Variants in GLI3 observed in about 807,000 individuals in gnomAD.
GLI3 encodes GLI family zinc finger 3.
Under a neutral mutation model 100.8 loss-of-function variants are expected in GLI3, and 20 were observed. The observed-to-expected ratio is 0.20, with a 90% CI of 0.14 to 0.29. The LOEUF (loss-of-function observed/expected upper bound fraction) is 0.29. Among genes scored for constraint, GLI3 ranks in the 10% least tolerant of loss-of-function variants. The probability of loss-of-function intolerance (pLI) is 1.00; values close to 1 mark genes in which losing one functional copy is unlikely to be tolerated. For synonymous variants in GLI3, 938 were observed against 860.5 expected (o/e 1.09, Z -1.58); for missense variants, 2,040 against 2,128.5 (o/e 0.96, Z 0.82).
At chr7:42,261,051 T>C (rs778885213) in intron 1 of GLI3, among the ~76,000 whole-genome samples, 4 of 152,172 alleles carry the variant, frequency 2.6e-5, no homozygotes, top group Non-Finnish European at 2.9e-5. Context: ...AGAAGTTTAA[T>C]TGGCCTACAG....
At chr7:42,019,473 T>C (rs1044179276) in intron 10 of GLI3, among the ~76,000 whole-genome samples, 1 of 152,178 alleles carries the variant, frequency 6.6e-6, no homozygotes, top group Non-Finnish European at 1.5e-5. Flanking sequence ...CCTTCCTCCT[T>C]GGAAGAAGTT....
intron 3 of GLI3, among the ~76,000 whole-genome samples, chr7:42,136,762 T>G (rs1318266446): frequency 2.0e-5 from 3 of 152,210 alleles, no homozygotes; most frequent in Non-Finnish European, 4.4e-5. Flanking sequence ...GACACCGAAG[T>G]GGCATTTGGC....
chr7:42,096,252 G>A (rs1785335941), intron 3 of GLI3, among the ~76,000 whole-genome samples: 1 of 152,204 alleles, frequency 6.6e-6, no homozygotes, highest in Non-Finnish European at 1.5e-5. Context: ...CGAAGTGGAG[G>A]AAGAATGAAG....
At chr7:42,078,855 A>G (rs891245601) in intron 3 of GLI3, among the ~76,000 whole-genome samples, 2 of 149,400 alleles carry the variant, frequency 1.3e-5, no homozygotes, top group African/African-American at 5.0e-5. Flanking sequence ...TCAGCCTCCC[A>G]AGTAGCTGGG....
intron 10 of GLI3, among the ~76,000 whole-genome samples, chr7:42,005,832 G>A (rs1185365149): frequency 1.3e-5 from 2 of 152,204 alleles, no homozygotes; most frequent in Non-Finnish European, 2.9e-5. Context: ...TCCCCTTGGA[G>A]TCCTCTGGAG....
At chr7:42,076,414 A>T (rs1006384478) in intron 4 of GLI3, among the ~76,000 whole-genome samples, 1 of 152,216 alleles carries the variant, frequency 6.6e-6, no homozygotes, top group Non-Finnish European at 1.5e-5. Context: ...AACATAACAA[A>T]CTTCAAACCT....
intron 2 of GLI3, among the ~76,000 whole-genome samples, chr7:42,164,406 A>G (rs1270607472): frequency 6.6e-6 from 1 of 151,950 alleles, no homozygotes; most frequent in Non-Finnish European, 1.5e-5. Context: ...TGTAGTCCCA[A>G]CTTCTTGGGA....
chr7:42,033,768 G>T (rs914263852), intron 7 of GLI3, among the ~76,000 whole-genome samples: 3 of 151,904 alleles, frequency 2.0e-5, no homozygotes, highest in Non-Finnish European at 4.4e-5. Context: ...ATCATTACTT[G>T]TATATGTGTA....
At chr7:42,182,658 A>ATATTTACATGTGTG (rs1787621750) in intron 2 of GLI3, among the ~76,000 whole-genome samples, 1 of 56,052 alleles carries the variant, frequency 1.8e-5, no homozygotes, top group Admixed American at 1.8e-4. Flanking sequence ...ATATATATAT[A>ATATTTACATGTGTG]TATATATATA....
At chr7:41,967,451 A>C (rs1011867077) in intron 14 of GLI3, 145 bp downstream of exon 14, 16 of 702,656 alleles carry the variant, frequency 2.3e-5, no homozygotes, top group Non-Finnish European at 3.3e-5. Context: ...CCAAAAGGCA[A>C]CTTGAATGGG....
chr7:42,187,037 C>T (rs914087285), intron 2 of GLI3, among the ~76,000 whole-genome samples: 1 of 111,736 alleles, frequency 8.9e-6, no homozygotes, highest in Admixed American at 8.4e-5. Context: ...TAGTGAGAAC[C>T]TGTCTCAAAA....
At chr7:42,038,210 A>T (rs982110328) in intron 7 of GLI3, among the ~76,000 whole-genome samples, 1 of 152,216 alleles carries the variant, frequency 6.6e-6, no homozygotes, top group Non-Finnish European at 1.5e-5. Context: ...GTGCAGGAGC[A>T]GCCAGGCCAG....
Position 42,250,986 on chromosome 7 carries a change from G to T in GLI3, c.-43+13008C>A, listed in dbSNP as rs182500819. On this transcript the variant is annotated intron_variant, in intron 1 of 2. Coordinates refer to the GLI3 transcript ENST00000678978. The stretch of plus-strand genomic sequence containing the variant: ...CATCCGCCCATGTACTAGTCAGGAA[G>T]TATGAAAAAGCATGGTGGGGAGCTG... 3.3e-5 allele frequency among the ~76,000 whole-genome samples: 5 copies of T among 152,296 alleles called. No homozygotes were observed. In the East Asian group the frequency reaches 7.7e-4, roughly 24 times the overall value.
intron 3 of GLI3, among the ~76,000 whole-genome samples, chr7:42,138,588 A>G (rs1562752344): frequency 6.6e-6 from 1 of 152,160 alleles, no homozygotes; most frequent in Non-Finnish European, 1.5e-5. Context: ...GAGGGAATAA[A>G]TTTCTTACAA....
chr7:42,199,510 T>C (rs1013597832), intron 2 of GLI3, among the ~76,000 whole-genome samples: 2 of 152,238 alleles, frequency 1.3e-5, no homozygotes, highest in African/African-American at 4.8e-5. Context: ...CAGACAGCTC[T>C]ACCTCAACTG....
chr7:42,216,605 T>A (rs1279292173), intron 2 of GLI3, among the ~76,000 whole-genome samples: 1 of 152,184 alleles, frequency 6.6e-6, no homozygotes, highest in East Asian at 1.9e-4. Flanking sequence ...ACTCTCTGTG[T>A]CTTCTGCTCA....
chr7:41,978,867 C>T (rs1349411930), intron 10 of GLI3, 119 bp from the exon 11 acceptor site: 3 of 885,210 alleles, frequency 3.4e-6, no homozygotes, highest in South Asian at 1.5e-5. Context: ...ACAAGAATAA[C>T]TTTACCATAT....
intron 2 of GLI3, among the ~76,000 whole-genome samples, chr7:42,160,674 A>C (rs1787111844): frequency 6.6e-6 from 1 of 152,184 alleles, no homozygotes; most frequent in African/African-American, 2.4e-5. Flanking sequence ...GGCAAGTCAC[A>C]GAATTTCTTT....
chr7:42,060,340 A>G (rs146826902), intron 4 of GLI3, among the ~76,000 whole-genome samples: 2,816 of 152,226 alleles, frequency 0.018, 31 homozygotes, highest in Middle Eastern at 0.031. Context: ...GAGTTCAGCT[A>G]TGATGTCACT....
Sources: gnomAD v4.1 joint callset for allele counts (sites outside exome capture counted in the v4.1 genomes callset) on GRCh38, gnomAD v4.1.1 for gene constraint, MANE v1.5 for transcripts, NCBI Gene and HGNC (gene_info 2026-07-23, HGNC 2026-07-21) for gene names.